RUNX1: variants seen among roughly 807,000 people sequenced by gnomAD.
RUNX1 encodes RUNX family transcription factor 1.
Under a neutral mutation model 42.8 loss-of-function variants are expected in RUNX1, and 19 were observed. The ratio of observed to expected loss-of-function variants is 0.44; its 90% CI spans 0.31 to 0.65. The LOEUF (loss-of-function observed/expected upper bound fraction) is 0.65, where lower values mean the gene tolerates loss of function less well. Ranked by LOEUF, RUNX1 falls within the 30% of genes least tolerant of loss-of-function variation. The probability of loss-of-function intolerance (pLI) is 0.07; values close to 1 mark genes in which losing one functional copy is unlikely to be tolerated. For missense variants in RUNX1, 528 were observed against 672.0 expected (o/e 0.79, Z 2.37); for synonymous variants, 271 against 289.4 (o/e 0.94, Z 0.64).
rs989419144 is a variant in RUNX1, at chr21:34,943,435, C to T, written c.59-50472G>A. On this transcript the variant is annotated intron_variant, in intron 2 of 8. Coordinates refer to ENST00000675419, the MANE Select transcript of RUNX1 (RefSeq NM_001754.5). Reference sequence around the variant, plus strand: ...GCTTAAAACATTAAAAGGATCTTTACTATCCTCTTGGCAAAGTACTTCACA... The same window carrying T: ...GCTTAAAACATTAAAAGGATCTTTATTATCCTCTTGGCAAAGTACTTCACA... Among the ~76,000 whole-genome samples the T allele has an allele frequency of 3.3e-5, 5 of 152,208 alleles. No homozygotes were observed. In the East Asian group the frequency reaches 7.7e-4, roughly 23 times the overall value.
intron 7 of RUNX1, among the ~76,000 whole-genome samples, chr21:34,807,611 G>A (rs916843334): frequency 2.0e-5 from 3 of 152,160 alleles, no homozygotes; most frequent in African/African-American, 7.2e-5. Flanking sequence ...CGTTCCCAGG[G>A]TTCCCTCCAG....
chr21:34,936,825 T>G (rs1035321035), intron 2 of RUNX1, among the ~76,000 whole-genome samples: 9 of 152,218 alleles, frequency 5.9e-5, no homozygotes, highest in African/African-American at 2.2e-4. Context: ...TCTTCTGTAA[T>G]TTCTATGTAA....
At chr21:34,888,852 C>T (rs930351508) in intron 3 of RUNX1, among the ~76,000 whole-genome samples, 4 of 151,642 alleles carry the variant, frequency 2.6e-5, no homozygotes, top group African/African-American at 9.7e-5. Flanking sequence ...AATTGGCCCG[C>T]GCGCCCCCGC....
rs553561681 is a variant in RUNX1, at chr21:35,036,231, C to T, written c.58+12611G>A. On this transcript the variant is annotated intron_variant, in intron 2 of 8. Transcript: ENST00000675419. Reference sequence around the variant, plus strand: ...TTTACTTTCCTGTTAATTGTACATTCTGTATAAGAAAAGCAGGTTCCTTTC... The same window carrying T: ...TTTACTTTCCTGTTAATTGTACATTTTGTATAAGAAAAGCAGGTTCCTTTC... Among the ~76,000 whole-genome samples, 3 of 152,314 alleles carry T rather than the reference C, an allele frequency of 2.0e-5. No homozygotes were observed. The South Asian group carries it at 6.2e-4, about 32-fold the overall frequency.
intron 7 of RUNX1, among the ~76,000 whole-genome samples, chr21:34,806,524 C>T (rs533955976): frequency 4.6e-5 from 7 of 152,200 alleles, no homozygotes; most frequent in Admixed American, 2.0e-4. Context: ...TAGGTAAATA[C>T]GCTATTACAA....
At chr21:34,852,605 C>T (rs571243164) in intron 6 of RUNX1, among the ~76,000 whole-genome samples, 1 of 152,182 alleles carries the variant, frequency 6.6e-6, no homozygotes, top group Non-Finnish European at 1.5e-5. Context: ...GGGAAGTTCC[C>T]CCAGAACTTT....
In RUNX1 at chr21:34,843,679, G is replaced by GCCC. The variant is rs2057275812; in HGVS notation, c.614-9081_614-9079dup. On this transcript the variant is annotated intron_variant, in intron 6 of 8. Coordinates refer to ENST00000675419, the MANE Select transcript of RUNX1 (RefSeq NM_001754.5). The surrounding 1 kb of genome is among the most constrained non-coding windows in gnomAD (Gnocchi z 4.8). ...ACGCACACAGGCCTGCCCCTCCCCAGCCCCCCTGCACCATGCGCCCAAGAC... is the reference window on the plus strand; with the variant it reads ...ACGCACACAGGCCTGCCCCTCCCCAGCCCCCCCCCTGCACCATGCGCCCAAGAC... Among the ~76,000 whole-genome samples the GCCC allele has an allele frequency of 2.0e-5, 3 of 150,926 alleles. No individual in the cohort carries two copies. The highest frequency in any genetic ancestry group is 2.0e-4 in the East Asian group (1 of 4,992).
intron 6 of RUNX1, among the ~76,000 whole-genome samples, chr21:34,839,051 C>CAT (rs1304378951): frequency 1.3e-5 from 2 of 152,144 alleles, no homozygotes; most frequent in Non-Finnish European, 2.9e-5. Flanking sequence ...AATTTCTTCT[C>CAT]ATATCGTTAA....
chr21:34,807,602 G>A (rs897052598), intron 7 of RUNX1, among the ~76,000 whole-genome samples: 9 of 152,162 alleles, frequency 5.9e-5, no homozygotes, highest in African/African-American at 1.2e-4. Context: ...AGGTAGGGAC[G>A]TTCCCAGGGT....
intron 7 of RUNX1, among the ~76,000 whole-genome samples, chr21:34,826,438 T>C (rs7282580): frequency 0.021 from 2,836 of 136,574 alleles, 64 homozygotes; most frequent in African/African-American, 0.073. Flanking sequence ...TTCTTTCTTT[T>C]TTTTTTTTTT....
intron 6 of RUNX1, 39 bp downstream of exon 6, chr21:34,859,435 A>T (rs2146233497): frequency 7.2e-7 from 1 of 1,398,582 alleles, no homozygotes; most frequent in Non-Finnish European, 1.0e-6. Context: ...AGGGTGTACC[A>T]GCCTGGAGGG....
At chr21:34,982,622 T>G (rs1342805107) in intron 2 of RUNX1, among the ~76,000 whole-genome samples, 1 of 152,190 alleles carries the variant, frequency 6.6e-6, no homozygotes, top group Non-Finnish European at 1.5e-5. Flanking sequence ...CAGGCTGGAG[T>G]GTAGTGGCGC....
chr21:35,004,468 T>C (rs141661908), intron 2 of RUNX1, among the ~76,000 whole-genome samples: 136 of 152,200 alleles, frequency 8.9e-4, no homozygotes, highest in African/African-American at 3.1e-3. Context: ...AAAAATCAGC[T>C]CCCCATCTGT....
chr21:35,018,784 T>C (rs548349047), intron 2 of RUNX1, among the ~76,000 whole-genome samples: 1 of 152,260 alleles, frequency 6.6e-6, no homozygotes, highest in East Asian at 1.9e-4. Flanking sequence ...AAGGCTGGAT[T>C]TCACCTCCCA....
At chr21:34,903,462 A>G (rs2058193236) in intron 2 of RUNX1, among the ~76,000 whole-genome samples, 1 of 152,156 alleles carries the variant, frequency 6.6e-6, no homozygotes, top group Non-Finnish European at 1.5e-5. Flanking sequence ...GACTATAGAG[A>G]AATTTCCCAC....
intron 2 of RUNX1, among the ~76,000 whole-genome samples, chr21:34,995,435 C>CTTTTTTTTTTTTTTTT (rs5843694): frequency 1.2e-5 from 1 of 82,074 alleles, no homozygotes; most frequent in Non-Finnish European, 2.2e-5. Context: ...TTTCTGGGAG[C>CTTTTTTTTTTTTTTTT]TTTTTTTTTT....
intron 2 of RUNX1, among the ~76,000 whole-genome samples, chr21:34,997,097 C>T (rs2059002119): frequency 6.6e-6 from 1 of 152,244 alleles, no homozygotes; most frequent in Non-Finnish European, 1.5e-5. Context: ...AACATATTCT[C>T]ATGGCTTTCA....
At chr21:35,041,773 G>A (rs1164244922) in intron 2 of RUNX1, among the ~76,000 whole-genome samples, 1 of 150,916 alleles carries the variant, frequency 6.6e-6, no homozygotes, top group East Asian at 1.9e-4. Flanking sequence ...TCTGTAACTT[G>A]CAGAAATTCA....
chr21:34,999,986 T>C (rs1273548263), intron 2 of RUNX1, among the ~76,000 whole-genome samples: 1 of 152,186 alleles, frequency 6.6e-6, no homozygotes, highest in Non-Finnish European at 1.5e-5. Flanking sequence ...TCACCCAAGA[T>C]GTTGGAGCCA....
Sources: allele counts gnomAD v4.1 joint callset (sites outside exome capture counted in the v4.1 genomes callset), GRCh38; gene constraint gnomAD v4.1.1; non-coding constraint Gnocchi (gnomAD v3.1); transcripts MANE v1.5; gene names NCBI Gene and HGNC (gene_info 2026-07-23, HGNC 2026-07-21).